The following POMP variants were observed in gnomAD, a reference collection of about 807,000 sequenced individuals.
POMP encodes proteasome maturation protein.
Under a neutral mutation model 20.6 loss-of-function variants are expected in POMP, and 12 were observed. That is an observed-to-expected ratio of 0.58 (90% CI 0.37 to 0.94). POMP has a LOEUF of 0.94. POMP is among the 40% of genes least tolerant of loss of function. The probability of loss-of-function intolerance (pLI) is 0.01; values close to 1 mark genes in which losing one functional copy is unlikely to be tolerated. For synonymous variants in POMP, 53 were observed against 55.0 expected, an observed-to-expected ratio of 0.96 and a Z score of 0.16; for missense variants, 136 against 161.1, an observed-to-expected ratio of 0.84 and a Z score of 0.84.
At chr13:28,669,932 C>G (rs541883902) in intron 4 of POMP, among the ~76,000 whole-genome samples, 2 of 151,972 alleles carry the variant, frequency 1.3e-5, no homozygotes, top group Non-Finnish European at 2.9e-5. Context: ...ATGGCAAAAC[C>G]CCATCTCTAC....
At chr13:28,662,592 T>C in intron 2 of POMP, 85 bp downstream of exon 2, 3 of 1,164,876 alleles carry the variant, frequency 2.6e-6, no homozygotes, top group South Asian at 2.5e-5. Context: ...AGGCTATACA[T>C]GTGTATTTAG....
Position 28,678,124 on chromosome 13 carries a change from C to G in POMP, c.*22C>G, listed in dbSNP as rs373592176. The G allele has an allele frequency of 1.2e-6, 2 of 1,601,320 alleles. No homozygotes were observed. Among genetic ancestry groups the G allele is most frequent in the African/African-American group, 2.7e-5 (2 of 74,502 alleles). On this transcript the variant is annotated 3_prime_UTR_variant, in exon 6 of 6. Transcript: ENST00000380842. ...GTAATAGTGTGCTGTTCATGGAAAC[C>G]GAGGGCTGCATCTTGTTTATAGTCA...
intron 1 of POMP, among the ~76,000 whole-genome samples, chr13:28,660,612 G>C (rs1403196847): frequency 6.6e-6 from 1 of 152,194 alleles, no homozygotes; most frequent in African/African-American, 2.4e-5. Flanking sequence ...TCAGCTCCTT[G>C]GTGCAGATGA....
rs369842950 is a variant in POMP, at chr13:28,672,450, C to T, written c.358+18C>T. On this transcript the variant is annotated intron_variant, in intron 5 of 5. Coordinates refer to ENST00000380842, the MANE Select transcript of POMP (RefSeq NM_015932.6). ...TCTTAATGGTAAGTGTCATTCAGCACCTTTTTATGGAGCCCTTGTAATTTA... is the reference window on the plus strand; with the variant it reads ...TCTTAATGGTAAGTGTCATTCAGCATCTTTTTATGGAGCCCTTGTAATTTA... 6.5e-7 allele frequency: 1 copy of T among 1,529,698 alleles called. No homozygotes were observed. The highest frequency in any genetic ancestry group is 9.1e-7 in the Non-Finnish European group (1 of 1,103,400). 94.8% of individuals were successfully genotyped at this position (1,529,698 alleles called of 1,614,324 possible). A position where few individuals can be genotyped will look rare whatever the true frequency, so the allele number is the denominator to read the frequency against.
In POMP at chr13:28,678,247, T is replaced by A; in HGVS notation, c.*145T>A. 1 of 795,974 alleles carries A rather than the reference T, an allele frequency of 1.3e-6. No homozygotes were observed. The highest frequency in any genetic ancestry group is 2.2e-6 in the Non-Finnish European group (1 of 464,838). The allele number at this position is 795,974 out of a possible 1,614,324, so 49.3% of individuals were successfully genotyped here. ...AGTGATCATTTAAAATTTGGAGGGG[T>A]CTTTGGTTTACAGCCATGTGACAAT... On this transcript the variant is annotated 3_prime_UTR_variant, in exon 6 of 6. Coordinates refer to ENST00000380842, the MANE Select transcript of POMP (RefSeq NM_015932.6).
Position 28,674,874 on chromosome 13 carries a change from AT to A in POMP, c.358+2454del, listed in dbSNP as rs541086849. Among the ~76,000 whole-genome samples, 1,202 of 148,538 alleles carry A rather than the reference AT, an allele frequency of 8.1e-3. 10 individuals are homozygous for A. Among genetic ancestry groups the A allele is most frequent in the South Asian group, 0.019 (87 of 4,668 alleles). The stretch of plus-strand genomic sequence containing the variant: ...GGTAAGATGAGACCCTGTCTCTACA[AT>A]TTTTTTTTTTTAAATTAATTGGGCA... On this transcript the variant is annotated intron_variant, in intron 5 of 5. Transcript: ENST00000380842.
chr13:28,659,276 G>A (rs962391835), intron 1 of POMP, 89 bp downstream of exon 1: 2 of 1,539,014 alleles, frequency 1.3e-6, no homozygotes, highest in East Asian at 2.4e-5. Flanking sequence ...ACCCGTCCCC[G>A]GTGGCGGCGG....
intron 5 of POMP, among the ~76,000 whole-genome samples, chr13:28,675,830 TGAATTATATGGCGAGAGG>T (rs1884618698): frequency 6.6e-6 from 1 of 152,058 alleles, no homozygotes; most frequent in African/African-American, 2.4e-5. Flanking sequence ...GGGGGGCCAG[TGAATTATATGGCGAGAGG>T]GAGCAAGAGA....
chr13:28,662,593 G>T, intron 2 of POMP, 86 bp downstream of exon 2: 2 of 1,141,028 alleles, frequency 1.8e-6, no homozygotes, highest in Admixed American at 3.5e-5. Context: ...GGCTATACAT[G>T]TGTATTTAGT....
chr13:28,668,815 T>G (rs1213405422), intron 4 of POMP, among the ~76,000 whole-genome samples: 3 of 144,070 alleles, frequency 2.1e-5, no homozygotes, highest in South Asian at 4.3e-4. Flanking sequence ...TTTTTCTGGG[T>G]TTTTTTTTTA....
chr13:28,673,334 G>T (rs1002349700), intron 5 of POMP, among the ~76,000 whole-genome samples: 5 of 152,122 alleles, frequency 3.3e-5, no homozygotes, highest in African/African-American at 9.7e-5. Context: ...CTCCCAAAGT[G>T]CTGGGATTAG....
Position 28,678,815 on chromosome 13 carries a change from G to A in POMP, c.*713G>A, listed in dbSNP as rs1285255102. ...CTTAATTTATATATTACAAGATACT[G>A]TAAGGTATTCTTTATGAAGTTGATA... is the stretch of plus-strand genomic sequence containing the variant. On this transcript the variant is annotated 3_prime_UTR_variant, in exon 6 of 6. Transcript: ENST00000380842. 6.6e-6 allele frequency: 1 copy of A among 152,142 alleles called. No individual in the cohort carries two copies. Among genetic ancestry groups the A allele is most frequent in the Non-Finnish European group, 1.5e-5 (1 of 68,042 alleles). 9.4% of individuals were successfully genotyped at this position (152,142 alleles called of 1,614,324 possible).
At chr13:28,674,208 T>G (rs149239408) in intron 5 of POMP, among the ~76,000 whole-genome samples, 27 of 152,308 alleles carry the variant, frequency 1.8e-4, no homozygotes, top group African/African-American at 6.0e-4. Flanking sequence ...GACAAGAGAC[T>G]CCTAAAGGAC....
Position 28,678,722 on chromosome 13 carries a change from C to T in POMP, c.*620C>T, listed in dbSNP as rs1884674490. The T allele has an allele frequency of 6.6e-6, 1 of 152,388 alleles. No individual in the cohort carries two copies. The highest frequency in any genetic ancestry group is 6.5e-5 in the Admixed American group (1 of 15,280). 9.4% of individuals were successfully genotyped at this position (152,388 alleles called of 1,614,324 possible). On this transcript the variant is annotated 3_prime_UTR_variant, in exon 6 of 6. Transcript: ENST00000380842. ...GTAGGTTAAACTTTTACTTCATAGA[C>T]TTAATATGTAATTAATATATTGCCA...
In POMP at chr13:28,669,962, G is replaced by A. The variant is rs138504821; in HGVS notation, c.264+1388G>A. Among the ~76,000 whole-genome samples the A allele has an allele frequency of 1.4e-3, 214 of 152,132 alleles. 1 individual carries two copies. The highest frequency in any genetic ancestry group is 4.9e-3 in the African/African-American group (205 of 41,498). On this transcript the variant is annotated intron_variant, in intron 4 of 5. Transcript: ENST00000380842. The stretch of plus-strand genomic sequence containing the variant: ...CTCTACAAAAAAAAATACAACAAAT[G>A]TGCCAGCCGTGGTGGTGCACACCTA...
chr13:28,675,796 C>T (rs1372806758), intron 5 of POMP, among the ~76,000 whole-genome samples: 1 of 152,114 alleles, frequency 6.6e-6, no homozygotes, highest in Non-Finnish European at 1.5e-5. Context: ...CCTCAGGAAG[C>T]TTACAATCGT....
At chr13:28,670,796 C>T (rs1884533049) in intron 4 of POMP, among the ~76,000 whole-genome samples, 1 of 152,190 alleles carries the variant, frequency 6.6e-6, no homozygotes, top group African/African-American at 2.4e-5. Context: ...CCTGTAATCC[C>T]AGCACTTTGG....
intron 5 of POMP, among the ~76,000 whole-genome samples, chr13:28,676,079 A>G (rs1884622759): frequency 6.6e-6 from 1 of 151,778 alleles, no homozygotes; most frequent in South Asian, 2.1e-4. Flanking sequence ...ATCTCTGCTC[A>G]CTGCAAGCTC....
intron 5 of POMP, among the ~76,000 whole-genome samples, chr13:28,675,136 T>C (rs1361781629): frequency 6.8e-6 from 1 of 147,574 alleles, no homozygotes; most frequent in African/African-American, 2.5e-5. Context: ...ATCACCTGTT[T>C]AGGTAGATTT....
Sources: allele counts gnomAD v4.1 joint callset (sites outside exome capture counted in the v4.1 genomes callset), GRCh38; gene constraint gnomAD v4.1.1; transcripts MANE v1.5; gene names NCBI Gene and HGNC (gene_info 2026-07-23, HGNC 2026-07-21).